Variants in LAMB4 observed in about 807,000 individuals in gnomAD.
LAMB4 encodes the protein laminin subunit beta-4.
LAMB4 carries 196 observed loss-of-function variants against 199.2 expected under a neutral mutation model. The observed-to-expected ratio is 0.98, with a 90% CI of 0.88 to 1.11. LAMB4 has a LOEUF of 1.11. Ranked by LOEUF, LAMB4 falls within the 50% of genes least tolerant of loss-of-function variation. LAMB4 has a pLI of 0.00. For synonymous variants in LAMB4, 744 were observed against 770.6 expected (o/e 0.97, Z 0.57); for missense variants, 2,080 against 2,171.2 (o/e 0.96, Z 0.83).
At chr7:108,057,053 G>A (rs1002756087) in intron 24 of LAMB4, among the ~76,000 whole-genome samples, 1 of 151,898 alleles carries the variant, frequency 6.6e-6, no homozygotes, top group Non-Finnish European at 1.5e-5. Context: ...ACACACTAGG[G>A]CTCTTCAGCT....
At position 108,037,383 on chromosome 7, in the gene LAMB4, C is replaced by A; in HGVS notation, c.4679+5G>T. On this transcript the variant is annotated splice_donor_5th_base_variant and intron_variant, in intron 30 of 33. Transcript: ENST00000388781. ...GCAAGATAAGAATATTAATACAGTA[C>A]TTACTCAGCTGCTTTGGCCTTCACC... The A allele has an allele frequency of 6.2e-7, 1 of 1,607,936 alleles. No individual in the cohort carries two copies. The highest frequency in any genetic ancestry group is 8.5e-7 in the Non-Finnish European group (1 of 1,174,506).
At chr7:108,125,255 C>T (rs2038737554) in intron 1 of LAMB4, among the ~76,000 whole-genome samples, 1 of 152,188 alleles carries the variant, frequency 6.6e-6, no homozygotes, top group Non-Finnish European at 1.5e-5. Context: ...TACTTTCTTA[C>T]TGCTTTTTTC....
At chr7:108,117,103 T>C (rs900576193) in intron 2 of LAMB4, among the ~76,000 whole-genome samples, 3 of 152,196 alleles carry the variant, frequency 2.0e-5, no homozygotes, top group Non-Finnish European at 2.9e-5. Flanking sequence ...TACTTAGAGA[T>C]TGAATTTAAA....
chr7:108,115,042 G>A (rs2038359959), intron 3 of LAMB4, among the ~76,000 whole-genome samples: 1 of 152,146 alleles, frequency 6.6e-6, no homozygotes, highest in South Asian at 2.1e-4. Flanking sequence ...AGAGCAATGA[G>A]GACTCATGTT....
chr7:108,025,436 T>TC lies in LAMB4; in HGVS notation c.5147-1259_5147-1258insG, dbSNP rs1563024856. 1.0e-3 allele frequency among the ~76,000 whole-genome samples: 115 copies of TC among 110,654 alleles called. 13 individuals carry two copies. Among genetic ancestry groups the TC allele is most frequent in the African/African-American group, 8.7e-3 (92 of 10,618 alleles). The allele number at this position is 110,654 out of a possible 152,430, so 72.6% of individuals were successfully genotyped here. ...TTCTTTCTTCTTTCTTTCTTTCTTT[T>TC]TTTTTTTTTGAGACAGAGTTTTGCT... On this transcript the variant is annotated intron_variant, in intron 33 of 33. Transcript: ENST00000388781.
At chr7:108,025,848 G>T (rs2034819220) in intron 33 of LAMB4, among the ~76,000 whole-genome samples, 2 of 152,280 alleles carry the variant, frequency 1.3e-5, no homozygotes, top group Non-Finnish European at 1.5e-5. Context: ...GATTGAGCTG[G>T]TTACACCAGA....
the LAMB4 span, among the ~76,000 whole-genome samples, chr7:108,018,358 G>A: frequency 1.6e-4 from 25 of 152,196 alleles, no homozygotes; most frequent in African/African-American, 2.2e-4. Context: ...ATGGAGGAGC[G>A]TGCCATCAGG....
rs112066851 is a variant in LAMB4, at chr7:108,116,043, C to T, written c.153G>A (p.Leu51=). ...TQLMASSTCG[L]SRAQKYCILS... ...GGATGCAGTATTTCTGGGCTCTGCTCAGCCCACAGGTAGAAGAAGCCATAA... is the reference window on the plus strand; with the variant it reads ...GGATGCAGTATTTCTGGGCTCTGCTTAGCCCACAGGTAGAAGAAGCCATAA... The change falls in exon 3 of 34, where the codon CTG becomes CTA. Residue 51 remains leucine (L), a synonymous_variant. Transcript: ENST00000388781. 1 of 1,613,944 alleles carries T rather than the reference C, an allele frequency of 6.2e-7. No individual in the cohort carries two copies. The highest frequency in any genetic ancestry group is 8.5e-7 in the Non-Finnish European group (1 of 1,179,958).
the LAMB4 span, among the ~76,000 whole-genome samples, chr7:108,012,807 T>C: frequency 6.6e-6 from 1 of 152,164 alleles, no homozygotes; most frequent in Admixed American, 6.6e-5. Flanking sequence ...CCACCCTCAA[T>C]ATACTCACCA....
intron 31 of LAMB4, among the ~76,000 whole-genome samples, chr7:108,031,809 C>CA (rs768836403): frequency 5.9e-5 from 9 of 152,288 alleles, no homozygotes; most frequent in Non-Finnish European, 1.2e-4. Context: ...CCGGCTGGTG[C>CA]AAGTGGCTTC....
At chr7:108,075,235 G>A (rs2036657466) in intron 17 of LAMB4, among the ~76,000 whole-genome samples, 1 of 152,196 alleles carries the variant, frequency 6.6e-6, no homozygotes, top group African/African-American at 2.4e-5. Flanking sequence ...CCAATTAAGA[G>A]TTTGTTTCTA....
At chr7:108,098,644 G>A in intron 10 of LAMB4, 62 bp from the exon 11 acceptor site, 1 of 1,400,524 alleles carries the variant, frequency 7.1e-7, no homozygotes, top group Non-Finnish European at 9.7e-7. Flanking sequence ...TGAAATATAA[G>A]CACGGCATTT....
At position 108,069,774 on chromosome 7, in the gene LAMB4, C is replaced by A; in HGVS notation, c.2236G>T (p.Val746Leu). Reference sequence around the variant, plus strand: ...AGCCTTTCACAGGCACCCGGGAGCACTTGAGGTCCCATTGCTGAGGCAATT... The same window carrying A: ...AGCCTTTCACAGGCACCCGGGAGCAATTGAGGTCCCATTGCTGAGGCAATT... Reference protein sequence around the residue: ...VEIASAMGPQVLPGACERLII... With the variant: ...VEIASAMGPQLLPGACERLII... Residue 746 changes from valine (V) to leucine (L), a missense_variant, in exon 18 of 34, where the codon GTG (valine) becomes TTG (leucine). Physicochemically the swap from Val to Leu is conservative, Grantham distance 32. Transcript: ENST00000388781. 1 of 1,614,034 alleles carries A rather than the reference C, an allele frequency of 6.2e-7. No individual in the cohort carries two copies. The highest frequency in any genetic ancestry group is 2.2e-5 in the East Asian group (1 of 44,886).
intron 28 of LAMB4, 112 bp downstream of exon 28, chr7:108,047,796 C>A: frequency 1.2e-6 from 1 of 819,276 alleles, no homozygotes; most frequent in East Asian, 2.5e-5. Flanking sequence ...AGAACACCAA[C>A]TATCTAGAAT....
chr7:108,058,076 C>T, intron 23 of LAMB4, 148 bp from the exon 24 acceptor site: 1 of 636,758 alleles, frequency 1.6e-6, no homozygotes, highest in Non-Finnish European at 2.8e-6. Flanking sequence ...CCAGCAGCCA[C>T]CCCCGACAAT....
At chr7:108,061,078 C>T (rs895019255) in intron 23 of LAMB4, among the ~76,000 whole-genome samples, 3 of 152,146 alleles carry the variant, frequency 2.0e-5, no homozygotes, top group Non-Finnish European at 4.4e-5. Flanking sequence ...CTGGTGTTTT[C>T]GGAACCTATA....
In LAMB4 at chr7:108,057,910, A is replaced by C. The variant is rs781371830; in HGVS notation, c.3301T>G (p.Cys1101Gly). 1.9e-6 allele frequency: 3 copies of C among 1,613,560 alleles called. No individual in the cohort carries two copies. In the South Asian group the frequency reaches 3.3e-5, roughly 18 times the overall value. Residue 1101 changes from cysteine to glycine, a missense_variant, in exon 24 of 34, where the codon TGT becomes GGT. Transcript: ENST00000388781. ...HCDQLTGQCP[C>G]KLGYGGKRCS... is the part of the protein sequence containing the mutation. ...CGTTTCCCGCCGTAACCTAATTTAC[A>C]CGGACACTGGCCTGTAAGCTGTGAG...
intron 17 of LAMB4, among the ~76,000 whole-genome samples, chr7:108,074,520 T>C (rs1401257014): frequency 1.3e-5 from 2 of 152,034 alleles, no homozygotes; most frequent in Non-Finnish European, 2.9e-5. Context: ...AGGCATGTGC[T>C]GCTACACCTG....
chr7:108,129,959 T>C (rs2038922717), intron 1 of LAMB4, among the ~76,000 whole-genome samples: 1 of 152,234 alleles, frequency 6.6e-6, no homozygotes, highest in Non-Finnish European at 1.5e-5. Flanking sequence ...TAAGTTGTCA[T>C]AAGTTTTATA....
Sources: gnomAD v4.1 joint callset for allele counts (sites outside exome capture counted in the v4.1 genomes callset) on GRCh38, gnomAD v4.1.1 for gene constraint, MANE v1.5 for transcripts, NCBI Gene and HGNC (gene_info 2026-07-23, HGNC 2026-07-21) for gene names.